Variants in KLC2 observed in about 807,000 individuals in gnomAD.
KLC2 encodes the protein kinesin light chain 2.
A neutral mutation model predicts 75.1 loss-of-function variants in KLC2; 35 were observed. The observed-to-expected ratio is 0.47, with a 90% confidence interval of 0.36 to 0.62. The LOEUF (loss-of-function observed/expected upper bound fraction) is 0.62, where lower values mean the gene tolerates loss of function less well. KLC2 is among the 20% of genes least tolerant of loss of function. The pLI, the probability that KLC2 is intolerant of heterozygous loss-of-function variation, is 0.00. For synonymous variants in KLC2, 314 were observed against 336.7 expected, an observed-to-expected ratio of 0.93 and a Z score of 0.74; for missense variants, 611 against 833.2, an observed-to-expected ratio of 0.73 and a Z score of 3.28.
At chr11:66,266,524 C>T (rs1856836737) in intron 15 of KLC2, 34 bp downstream of exon 15, 3 of 1,602,782 alleles carry the variant, frequency 1.9e-6, no homozygotes, top group Non-Finnish European at 2.6e-6. Flanking sequence ...CACTGGGCAG[C>T]TGCGGCCGGG....
intron 4 of KLC2, 56 bp downstream of exon 4, chr11:66,262,248 C>A: frequency 7.0e-7 from 1 of 1,424,776 alleles, no homozygotes; most frequent in Non-Finnish European, 9.9e-7. Context: ...ACTCTTGGTC[C>A]TTGGGACCGA....
chr11:66,266,343 T>C lies in KLC2; in HGVS notation c.1728-90T>C, dbSNP rs956536191. ...CCTCTCAGGCTCCACCACCCACCAGTCTGTTCCCTCCCCAGCCCCACCCTT... is the reference window on the plus strand; with the variant it reads ...CCTCTCAGGCTCCACCACCCACCAGCCTGTTCCCTCCCCAGCCCCACCCTT... On this transcript the variant is annotated intron_variant, in intron 14 of 15. Transcript: ENST00000394067. 69 of 1,488,088 alleles carry C rather than the reference T, an allele frequency of 4.6e-5. No homozygotes were observed. The South Asian group carries it at 8.7e-4, about 19-fold the overall frequency. 92.2% of individuals were successfully genotyped at this position (1,488,088 alleles called of 1,614,324 possible). A position where few individuals can be genotyped will look rare whatever the true frequency, so the allele number is the denominator to read the frequency against.
rs776453374 is a variant in KLC2, at chr11:66,261,986, A to G, written c.459+14A>G. 1.1e-5 allele frequency: 17 copies of G among 1,608,512 alleles called. No individual in the cohort carries two copies. Among genetic ancestry groups the G allele is most frequent in the Non-Finnish European group, 1.4e-5 (17 of 1,175,204 alleles). ...GCCTCCCCTAACGTGAGCTCCTACC[A>G]TGGTCACTGTTGCCCAGCAAGGAGG... is the stretch of plus-strand genomic sequence containing the variant. On this transcript the variant is annotated intron_variant, in intron 3 of 15. Transcript: ENST00000394067.
rs761164189 is a variant in KLC2, at chr11:66,265,993, C to G, written c.1583C>G (p.Pro528Arg). The G allele has an allele frequency of 6.2e-7, 1 of 1,612,422 alleles. No homozygotes were observed. Among genetic ancestry groups the G allele is most frequent in the East Asian group, 2.2e-5 (1 of 44,824 alleles). The change falls in exon 13 of 16, where the codon CCT (proline) becomes CGT (arginine). Residue 528 changes from proline to arginine, a missense_variant. Physicochemically the swap from Pro to Arg is moderately radical, Grantham distance 103 (BLOSUM62 -2). Coordinates refer to ENST00000394067, the MANE Select transcript of KLC2 (RefSeq NM_001318734.2). ...GAGTCTGACCTCGAGGACGTGGGACCTACAGCTGAGTGGAATGGGGTGAGT... is the reference window on the plus strand; with the variant it reads ...GAGTCTGACCTCGAGGACGTGGGACGTACAGCTGAGTGGAATGGGGTGAGT... ...RSESDLEDVG[P>R]TAEWNGDGSG...
Position 66,267,679 on chromosome 11 carries a change from C to T in KLC2, c.*723C>T. 1.9e-6 allele frequency: 1 copy of T among 523,690 alleles called. No homozygotes were observed. Among genetic ancestry groups the T allele is most frequent in the East Asian group, 3.3e-5 (1 of 30,642 alleles). 32.4% of individuals were successfully genotyped at this position (523,690 alleles called of 1,614,324 possible). ...CCCACCCGGCCCCGCCCAGGCACGG[C>T]CGACCCCGCCCCGGGCACCGCCCAC... On this transcript the variant is annotated 3_prime_UTR_variant, in exon 16 of 16. Transcript: ENST00000394067.
In KLC2 at chr11:66,261,429, C is replaced by A. The variant is rs551731656; in HGVS notation, c.229-313C>A. ...GTGGCAGCAGAGGCTTGAGTACAAC[C>A]CAGGGAGAGACGAAGGAAGGGGCTA... is the stretch of plus-strand genomic sequence containing the variant. On this transcript the variant is annotated intron_variant, in intron 2 of 15. Coordinates refer to ENST00000394067, the MANE Select transcript of KLC2 (RefSeq NM_001318734.2). 10 of 308,256 alleles carry A rather than the reference C, an allele frequency of 3.2e-5. No individual in the cohort carries two copies. The South Asian group carries it at 5.7e-4, about 18-fold the overall frequency. The allele number at this position is 308,256 out of a possible 1,614,324, so 19.1% of individuals were successfully genotyped here.
chr11:66,265,473 C>T (rs1217350011), intron 11 of KLC2, 182 bp from the exon 12 acceptor site: 1 of 675,112 alleles, frequency 1.5e-6, no homozygotes. Flanking sequence ...AGGTCCCCAG[C>T]CCTGGGGTGA....
Position 66,262,854 on chromosome 11 carries a change from G to A in KLC2, c.570G>A (p.Gly190=), listed in dbSNP as rs771563973. The change falls in exon 5 of 16, where the codon GGG becomes GGA. Residue 190 remains glycine (G), a synonymous_variant. Coordinates refer to ENST00000394067, the MANE Select transcript of KLC2 (RefSeq NM_001318734.2). ...PGGGDVSGQH[G]GYEIPARLRT... is the part of the protein sequence containing the mutation. ...GAGGGGATGTGTCTGGTCAGCATGG[G>A]GGCTACGAGATCCCGGCCCGGCTCC... 2 of 1,613,512 alleles carry A rather than the reference G, an allele frequency of 1.2e-6. No homozygotes were observed. Among genetic ancestry groups the A allele is most frequent in the East Asian group, 2.2e-5 (1 of 44,866 alleles).
chr11:66,266,886 GTC>G lies in KLC2; in HGVS notation c.1805_1806del (p.Ser602Ter), dbSNP rs778516362. ...CTCTGCCCACAGCCTGGAGGCACAG[GTC>G]TCTCTGACAGCCGCACTCTCAGCTC... On this transcript the variant is annotated frameshift_variant, in exon 16 of 16. Transcript: ENST00000394067. LOFTEE classifies it high-confidence loss of function. The G allele has an allele frequency of 1.5e-5, 25 of 1,613,320 alleles. No homozygotes were observed. Among genetic ancestry groups the G allele is most frequent in the Non-Finnish European group, 2.1e-5 (25 of 1,180,012 alleles).
In KLC2 at chr11:66,265,020, C is replaced by T; in HGVS notation, c.1217-3C>T. On this transcript the variant is annotated splice_polypyrimidine_tract_variant and splice_region_variant and intron_variant, in intron 9 of 15. Transcript: ENST00000394067. ...CTGGTGACAGTCCCCTTTCTCTCCC[C>T]AGGGGACAACAAGCCCATCTGGATG... The T allele has an allele frequency of 6.2e-7, 1 of 1,613,078 alleles. No individual in the cohort carries two copies. Among genetic ancestry groups the T allele is most frequent in the Non-Finnish European group, 8.5e-7 (1 of 1,179,310 alleles).
upstream of KLC2, among the ~76,000 whole-genome samples, chr11:66,256,010 C>T (rs534882234): frequency 5.9e-5 from 9 of 152,232 alleles, no homozygotes; most frequent in South Asian, 2.1e-4. Flanking sequence ...AGATGATCCA[C>T]CTGCCTCAGC....
At chr11:66,266,397 T>A in intron 14 of KLC2, 36 bp from the exon 15 acceptor site, 2 of 1,549,092 alleles carry the variant, frequency 1.3e-6, no homozygotes, top group Non-Finnish European at 1.8e-6. Context: ...CGTGAGTTCC[T>A]CCTTGGGCAA....
At chr11:66,262,743 C>G in intron 4 of KLC2, 71 bp from the exon 5 acceptor site, 1 of 1,156,302 alleles carries the variant, frequency 8.6e-7, no homozygotes, top group Non-Finnish European at 1.3e-6. Context: ...GGCTCAAAGG[C>G]ACAGCTGGCA....
At chr11:66,260,165 GA>G (rs898578082) in intron 2 of KLC2, among the ~76,000 whole-genome samples, 2 of 146,882 alleles carry the variant, frequency 1.4e-5, no homozygotes, top group Non-Finnish European at 3.0e-5. Flanking sequence ...GCTGTTGGGG[GA>G]ATTTTTTTTT....
chr11:66,266,179 G>A lies in KLC2; in HGVS notation c.1689G>A (p.Lys563=). 6.2e-7 allele frequency: 1 copy of A among 1,611,826 alleles called. No homozygotes were observed. The highest frequency in any genetic ancestry group is 8.5e-7 in the Non-Finnish European group (1 of 1,179,246). ...GCAGCAGTGAGATGCTGGTAAAGAA[G>A]CTGCAGGGGGGCACCCCCCAGGAGC... ...LRRSSEMLVK[K]LQGGTPQEPP... Residue 563 remains lysine (K), a synonymous_variant, in exon 14 of 16, where the codon AAG becomes AAA. Transcript: ENST00000394067.
Position 66,266,500 on chromosome 11 carries a change from G to A in KLC2, c.1785+10G>A. Reference sequence around the variant, plus strand: ...GGAAGAGCCGACCCAGGTAGGGGCAGGCGGGTGTCTGGGCACTGGGCAGCT... The same window carrying A: ...GGAAGAGCCGACCCAGGTAGGGGCAAGCGGGTGTCTGGGCACTGGGCAGCT... On this transcript the variant is annotated intron_variant, in intron 15 of 15. Coordinates refer to ENST00000394067, the MANE Select transcript of KLC2 (RefSeq NM_001318734.2). 1.9e-6 allele frequency: 3 copies of A among 1,613,916 alleles called. No individual in the cohort carries two copies. The highest frequency in any genetic ancestry group is 1.7e-4 in the Middle Eastern group (1 of 6,060).
intron 15 of KLC2, 33 bp downstream of exon 15, chr11:66,266,523 G>A (rs1590876360): frequency 6.2e-7 from 1 of 1,603,302 alleles, no homozygotes; most frequent in East Asian, 2.2e-5. Flanking sequence ...GCACTGGGCA[G>A]CTGCGGCCGG....
At chr11:66,256,207 A>G (rs1226409078), upstream of KLC2, among the ~76,000 whole-genome samples, 2 of 152,054 alleles carry the variant, frequency 1.3e-5, no homozygotes, top group Admixed American at 6.6e-5. Context: ...CCTGGGCAAC[A>G]TATTGAGACC....
the KLC2 span, chr11:66,244,066 C>T: frequency 6.6e-6 from 1 of 152,358 alleles, no homozygotes. Context: ...TACCATGTGA[C>T]ACACCCTGTG....
Sources: gnomAD v4.1 joint callset for allele counts (sites outside exome capture counted in the v4.1 genomes callset) on GRCh38, gnomAD v4.1.1 for gene constraint, MANE v1.5 for transcripts, NCBI Gene and HGNC (gene_info 2026-07-23, HGNC 2026-07-21) for gene names.